USP34: variants seen among roughly 807,000 people sequenced by gnomAD.
USP34 encodes ubiquitin carboxyl-terminal hydrolase 34.
USP34 carries 70 observed loss-of-function variants against 460.3 expected under a neutral mutation model. The observed-to-expected ratio is 0.15, with a 90% confidence interval of 0.13 to 0.19. The LOEUF (loss-of-function observed/expected upper bound fraction) is 0.19. USP34 is among the 10% of genes least tolerant of loss of function. USP34 has a pLI of 1.00. For synonymous variants in USP34, 1,647 were observed against 1,405.3 expected, an observed-to-expected ratio of 1.17 and a Z score of -3.85; for missense variants, 3,985 against 4,236.2, an observed-to-expected ratio of 0.94 and a Z score of 1.65.
At chr2:61,387,925 TTA>T (rs1360429055) in intron 5 of USP34, among the ~76,000 whole-genome samples, 1 of 110,494 alleles carries the variant, frequency 9.1e-6, no homozygotes, top group African/African-American at 3.9e-5. Flanking sequence ...AAAAATATAT[TTA>T]TACACACACA....
intron 28 of USP34, 39 bp from the exon 29 acceptor site, chr2:61,301,199 T>G: frequency 1.3e-6 from 2 of 1,563,352 alleles, no homozygotes; most frequent in South Asian, 2.4e-5. Context: ...CATATCAAGC[T>G]TTTAGTTTAA....
intron 22 of USP34, among the ~76,000 whole-genome samples, 173 bp downstream of exon 22, chr2:61,319,000 C>A (rs576167844): frequency 6.6e-6 from 1 of 150,612 alleles, no homozygotes; most frequent in Non-Finnish European, 1.5e-5. Context: ...ACAGTGTAAA[C>A]AACAAAATTA....
intron 41 of USP34, among the ~76,000 whole-genome samples, chr2:61,273,870 G>GA (rs1185186640): frequency 1.3e-5 from 2 of 151,388 alleles, no homozygotes; most frequent in Non-Finnish European, 2.9e-5. Flanking sequence ...GTAATCAGTA[G>GA]AAAAAAAATA....
At chr2:61,195,015 T>C (rs535694818) in intron 75 of USP34, among the ~76,000 whole-genome samples, 2 of 151,114 alleles carry the variant, frequency 1.3e-5, no homozygotes, top group South Asian at 2.1e-4. Context: ...TCCCGGCACT[T>C]TGGGAGGCCG....
intron 44 of USP34, among the ~76,000 whole-genome samples, chr2:61,257,677 T>A (rs1006424913): frequency 1.3e-5 from 2 of 151,978 alleles, no homozygotes; most frequent in Non-Finnish European, 2.9e-5. Context: ...AGCAGGCGGA[T>A]TATGAGGTCA....
At chr2:61,262,894 T>C (rs1312691484) in intron 43 of USP34, among the ~76,000 whole-genome samples, 1 of 152,218 alleles carries the variant, frequency 6.6e-6, no homozygotes, top group Non-Finnish European at 1.5e-5. Flanking sequence ...TTTGAGATGT[T>C]ATCTCACTGT....
At position 61,374,017 on chromosome 2, in the gene USP34, G is replaced by A. The variant is rs539906402; in HGVS notation, c.1077-3438C>T. Among the ~76,000 whole-genome samples the A allele has an allele frequency of 9.9e-5, 15 of 152,180 alleles. No individual in the cohort carries two copies. In the South Asian group the frequency reaches 1.0e-3, roughly 11 times the overall value. On this transcript the variant is annotated intron_variant, in intron 8 of 79. Coordinates refer to ENST00000398571, the MANE Select transcript of USP34 (RefSeq NM_014709.4). ...TGAAAAATACAAAAATTAGCCAGGC[G>A]TGGTGGCAGGTGCCTATAATCCCAG...
chr2:61,420,715 A>C, intron 2 of USP34, 31 bp downstream of exon 2: 7 of 1,532,420 alleles, frequency 4.6e-6, no homozygotes, highest in Non-Finnish European at 6.2e-6. Flanking sequence ...ACTCACAAAA[A>C]TTAGTCTTCG....
intron 5 of USP34, among the ~76,000 whole-genome samples, chr2:61,387,192 G>A (rs564499046): frequency 1.3e-5 from 2 of 152,222 alleles, no homozygotes; most frequent in South Asian, 2.1e-4. Context: ...CAGGTGCAGT[G>A]GCTCACCCCT....
intron 53 of USP34, among the ~76,000 whole-genome samples, chr2:61,239,335 CACACACACACACACACAG>C (rs1391095673): frequency 6.6e-6 from 1 of 151,214 alleles, no homozygotes; most frequent in African/African-American, 2.4e-5. Context: ...CACACACACA[CACACACACACACACACAG>C]AAGTTTGAGA....
intron 3 of USP34, among the ~76,000 whole-genome samples, chr2:61,395,933 G>A (rs1693509254): frequency 6.6e-6 from 1 of 151,592 alleles, no homozygotes; most frequent in East Asian, 1.9e-4. Context: ...GTGTGGTGGT[G>A]GGCACTTGTA....
chr2:61,285,066 C>A (rs1215804728), intron 34 of USP34, 109 bp from the exon 35 acceptor site: 8 of 701,560 alleles, frequency 1.1e-5, no homozygotes, highest in South Asian at 5.0e-5. Flanking sequence ...AAATTTTAAC[C>A]CAAAATTCCA....
At chr2:61,338,407 G>A (rs1002265898) in intron 18 of USP34, among the ~76,000 whole-genome samples, 1 of 152,132 alleles carries the variant, frequency 6.6e-6, no homozygotes, top group African/African-American at 2.4e-5. Context: ...CATGAACAAT[G>A]AATTTTTCTA....
intron 18 of USP34, among the ~76,000 whole-genome samples, chr2:61,336,092 A>T (rs185125642): frequency 1.3e-5 from 2 of 152,158 alleles, no homozygotes; most frequent in East Asian, 3.9e-4. Context: ...GCCATATATA[A>T]TATAGTCTCT....
chr2:61,350,555 T>C lies in USP34; in HGVS notation c.1377+13A>G. The C allele has an allele frequency of 1.3e-6, 2 of 1,583,200 alleles. No individual in the cohort carries two copies. Among genetic ancestry groups the C allele is most frequent in the Non-Finnish European group, 1.7e-6 (2 of 1,171,444 alleles). On this transcript the variant is annotated intron_variant, in intron 11 of 79. Coordinates refer to ENST00000398571, the MANE Select transcript of USP34 (RefSeq NM_014709.4). Reference sequence around the variant, plus strand: ...GGGAAAAAAAAAAAACTATCATGTTTTGAATGTATTACCTGTTCAGTATGA... The same window carrying C: ...GGGAAAAAAAAAAAACTATCATGTTCTGAATGTATTACCTGTTCAGTATGA...
At chr2:61,333,342 T>C (rs1045978078) in intron 19 of USP34, among the ~76,000 whole-genome samples, 2 of 152,082 alleles carry the variant, frequency 1.3e-5, no homozygotes, top group African/African-American at 4.8e-5. Flanking sequence ...TGCATAGCAG[T>C]TGAACATAAC....
Position 61,220,842 on chromosome 2 carries a change from G to A in USP34, c.7900-385C>T, listed in dbSNP as rs150689151. Among the ~76,000 whole-genome samples, 417 of 152,256 alleles carry A rather than the reference G, an allele frequency of 2.7e-3. 1 individual carries two copies. Among genetic ancestry groups the A allele is most frequent in the African/African-American group, 9.3e-3 (386 of 41,544 alleles). On this transcript the variant is annotated intron_variant, in intron 66 of 79. Coordinates refer to ENST00000398571, the MANE Select transcript of USP34 (RefSeq NM_014709.4). ...TACTAAGTGAGAATACAAGAAGCTC[G>A]CTGTACTGCTGTGGAGAGTTTCTTC...
chr2:61,440,048 G>A (rs922420655), intron 1 of USP34, among the ~76,000 whole-genome samples: 4 of 152,174 alleles, frequency 2.6e-5, no homozygotes, highest in Non-Finnish European at 5.9e-5. Context: ...TCAGGCTGTT[G>A]CTTTGCAACC....
At chr2:61,319,134 C>G (rs573934528) in intron 22 of USP34, 39 bp downstream of exon 22, 1 of 1,499,944 alleles carries the variant, frequency 6.7e-7, no homozygotes, top group South Asian at 1.4e-5. Flanking sequence ...AAAAAGGGAA[C>G]ATGGAAAAAT....
Sources: allele counts gnomAD v4.1 joint callset (sites outside exome capture counted in the v4.1 genomes callset), GRCh38; gene constraint gnomAD v4.1.1; transcripts MANE v1.5; gene names NCBI Gene and HGNC (gene_info 2026-07-23, HGNC 2026-07-21).